The following SLC35E4 variants were observed in gnomAD, a reference collection of about 807,000 sequenced individuals.
The protein encoded by SLC35E4 is solute carrier family 35 member E4.
In SLC35E4, 15 loss-of-function variants were observed where a neutral mutation model predicts 19.3. That is an observed-to-expected ratio of 0.78 (90% CI 0.52 to 1.20). The LOEUF is 1.20. Ranked by LOEUF, SLC35E4 falls within the 50% of genes most tolerant of loss-of-function variation. The pLI is 0.00. For synonymous variants in SLC35E4, 219 were observed against 219.9 expected (o/e 1.00, Z 0.04); for missense variants, 406 against 472.3 (o/e 0.86, Z 1.30).
chr22:30,645,457 T>G (rs1047763774), intron 1 of SLC35E4, among the ~76,000 whole-genome samples: 5 of 152,004 alleles, frequency 3.3e-5, no homozygotes, highest in African/African-American at 1.2e-4. Context: ...TAGCCAGTTG[T>G]GGTGGCGCAT....
chr22:30,653,145 G>A (rs892470987), intron 2 of SLC35E4, among the ~76,000 whole-genome samples: 2 of 152,168 alleles, frequency 1.3e-5, no homozygotes, highest in African/African-American at 4.8e-5. Context: ...GTGAGGGCTG[G>A]TGGCTGCCTT....
downstream of SLC35E4, chr22:30,663,914 G>C (rs1252165875): frequency 6.2e-7 from 1 of 1,614,220 alleles, no homozygotes; most frequent in East Asian, 2.2e-5. Context: ...CCACACCATT[G>C]CTGATATACA....
downstream of SLC35E4, chr22:30,663,324 A>ATCATC (rs2088533451): frequency 2.8e-6 from 3 of 1,060,686 alleles, no homozygotes; most frequent in Admixed American, 5.4e-5. Flanking sequence ...CATAAAAGGC[A>ATCATC]TCATCTGTTT....
chr22:30,662,132 T>C (rs181287363), exon 3 of SLC35E4: 2 of 151,606 alleles, frequency 1.3e-5, no homozygotes, highest in East Asian at 2.0e-4. Flanking sequence ...ATTATGGGGA[T>C]GTGTGTGCCG....
intron 1 of SLC35E4, among the ~76,000 whole-genome samples, chr22:30,639,942 G>A (rs1319218178): frequency 6.6e-6 from 1 of 151,778 alleles, no homozygotes; most frequent in African/African-American, 2.4e-5. Flanking sequence ...AAATCACAAG[G>A]GTATTGGTTG....
At chr22:30,646,529 G>A (rs1206861803) in intron 1 of SLC35E4, 69 bp from the exon 2 acceptor site, 1 of 1,524,222 alleles carries the variant, frequency 6.6e-7, no homozygotes, top group Non-Finnish European at 8.8e-7. Flanking sequence ...ATCGGCCATA[G>A]GGGTCATACT....
Position 30,647,087 on chromosome 22 carries a change from G to T in SLC35E4, c.*56G>T. ...TGGCCCTGGCCTGAATCCAGCCTCCGCTGTGGCCATAGAAGGAATGGAGAA... is the reference window on the plus strand; with the variant it reads ...TGGCCCTGGCCTGAATCCAGCCTCCTCTGTGGCCATAGAAGGAATGGAGAA... On this transcript the variant is annotated 3_prime_UTR_variant, in exon 2 of 2. Coordinates refer to ENST00000343605, the MANE Select transcript of SLC35E4 (RefSeq NM_001001479.4). 1 of 1,518,508 alleles carries T rather than the reference G, an allele frequency of 6.6e-7. No individual in the cohort carries two copies. The highest frequency in any genetic ancestry group is 8.8e-7 in the Non-Finnish European group (1 of 1,136,712). 94.1% of individuals were successfully genotyped at this position (1,518,508 alleles called of 1,614,324 possible).
At chr22:30,642,022 CTTGT>C (rs778185534) in intron 1 of SLC35E4, among the ~76,000 whole-genome samples, 8 of 151,522 alleles carry the variant, frequency 5.3e-5, no homozygotes, top group East Asian at 3.9e-4. Flanking sequence ...GCTTTTTTTG[CTTGT>C]TTGTTTGTTT....
chr22:30,641,378 C>G (rs780847110), intron 1 of SLC35E4, among the ~76,000 whole-genome samples: 1 of 152,128 alleles, frequency 6.6e-6, no homozygotes, highest in South Asian at 2.1e-4. Context: ...TGGGCTCCTG[C>G]GGTATCCTCT....
chr22:30,641,237 C>T (rs1031631269), intron 1 of SLC35E4, among the ~76,000 whole-genome samples: 1 of 152,230 alleles, frequency 6.6e-6, no homozygotes, highest in African/African-American at 2.4e-5. Flanking sequence ...CAATGGCCGG[C>T]CAGGCCTCAG....
At chr22:30,645,595 C>CAA (rs1157239877) in intron 1 of SLC35E4, among the ~76,000 whole-genome samples, 73 of 82,094 alleles carry the variant, frequency 8.9e-4, no homozygotes, top group South Asian at 1.9e-3. Flanking sequence ...ACTCTGTCTC[C>CAA]AAAAAAAAAA....
chr22:30,636,343 C>G lies in SLC35E4; in HGVS notation c.-108C>G. The G allele has an allele frequency of 7.2e-7, 1 of 1,393,798 alleles. No homozygotes were observed. The highest frequency in any genetic ancestry group is 9.4e-7 in the Non-Finnish European group (1 of 1,062,848). The allele number at this position is 1,393,798 out of a possible 1,614,324, so 86.3% of individuals were successfully genotyped here. ...GTGTCCTCACCTGTCTGAAACGGGA[C>G]ACGGGGTCGGAGGAACCAGGATCTA... On this transcript the variant is annotated 5_prime_UTR_variant, in exon 1 of 2. Transcript: ENST00000343605.
At chr22:30,659,460 G>A (rs529383788) in intron 2 of SLC35E4, among the ~76,000 whole-genome samples, 18 of 151,826 alleles carry the variant, frequency 1.2e-4, no homozygotes, top group African/African-American at 3.1e-4. Context: ...TGCAACCTCC[G>A]CCTCCTGGGT....
At chr22:30,645,595 CAAAAA>C (rs1157239877) in intron 1 of SLC35E4, among the ~76,000 whole-genome samples, 48 of 82,198 alleles carry the variant, frequency 5.8e-4, no homozygotes, top group Non-Finnish European at 2.3e-4. Context: ...ACTCTGTCTC[CAAAAA>C]AAAAAAAAAA....
At chr22:30,652,872 G>C (rs148060384), downstream of SLC35E4, among the ~76,000 whole-genome samples, 5 of 152,316 alleles carry the variant, frequency 3.3e-5, no homozygotes, top group East Asian at 7.7e-4. Context: ...TTTAGTGTGA[G>C]CCCTTCCCAC....
intron 2 of SLC35E4, among the ~76,000 whole-genome samples, chr22:30,657,299 ACACAC>A (rs566131123): frequency 0.06 from 3,832 of 64,232 alleles, 84 homozygotes; most frequent in Non-Finnish European, 0.12. Flanking sequence ...ACACACACAC[ACACAC>A]ACAAATTAGC....
rs1569060245 is a variant in SLC35E4 at position 30,647,052 on chromosome 22, C to T, written c.*21C>T. 3 of 1,570,934 alleles carry T rather than the reference C, an allele frequency of 1.9e-6. No homozygotes were observed. The highest frequency in any genetic ancestry group is 8.6e-7 in the Non-Finnish European group (1 of 1,160,488). On this transcript the variant is annotated 3_prime_UTR_variant, in exon 2 of 2. Coordinates refer to ENST00000343605, the MANE Select transcript of SLC35E4 (RefSeq NM_001001479.4). The stretch of plus-strand genomic sequence containing the variant: ...TTTGAGACCTGGGGGATCTCAGGAG[C>T]CACCTGGGATGGCCCTGGCCTGAAT...
intron 2 of SLC35E4, among the ~76,000 whole-genome samples, chr22:30,659,056 G>A (rs572533754): frequency 2.0e-5 from 3 of 151,278 alleles, no homozygotes; most frequent in African/African-American, 7.3e-5. Context: ...CCTGGGAGGC[G>A]GAGTTTGCAG....
At chr22:30,663,912 T>C (rs750448299), downstream of SLC35E4, 10 of 1,614,096 alleles carry the variant, frequency 6.2e-6, no homozygotes, top group Non-Finnish European at 8.5e-6. Context: ...GGCCACACCA[T>C]TGCTGATATA....
Sources: allele counts gnomAD v4.1 joint callset (sites outside exome capture counted in the v4.1 genomes callset), GRCh38; gene constraint gnomAD v4.1.1; transcripts MANE v1.5; gene names NCBI Gene and HGNC (gene_info 2026-07-23, HGNC 2026-07-21).